The following CDKAL1 variants were observed in gnomAD, a reference collection of about 807,000 sequenced individuals.
CDKAL1 encodes the protein CDKAL1 threonylcarbamoyladenosine tRNA methylthiotransferase.
CDKAL1 carries 32 observed loss-of-function variants against 68.2 expected under a neutral mutation model. The observed-to-expected ratio is 0.47, with a 90% confidence interval of 0.35 to 0.63. The LOEUF (loss-of-function observed/expected upper bound fraction) is 0.63, where lower values mean the gene tolerates loss of function less well. Ranked by LOEUF, CDKAL1 falls within the 30% of genes least tolerant of loss-of-function variation. The pLI is 0.00. For missense variants in CDKAL1, 606 were observed against 696.7 expected, an observed-to-expected ratio of 0.87 and a Z score of 1.47; for synonymous variants, 234 against 244.3, an observed-to-expected ratio of 0.96 and a Z score of 0.39.
chr6:21,166,803 C>A (rs758207628), intron 13 of CDKAL1, among the ~76,000 whole-genome samples: 1 of 152,168 alleles, frequency 6.6e-6, no homozygotes, highest in Non-Finnish European at 1.5e-5. Context: ...GCAGAAGTTG[C>A]TAACCTCATT....
chr6:21,195,782 T>A (rs1025247392), intron 13 of CDKAL1, among the ~76,000 whole-genome samples: 1 of 152,050 alleles, frequency 6.6e-6, no homozygotes, highest in Non-Finnish European at 1.5e-5. Context: ...AGTGCTGGGA[T>A]TACAGGCATG....
intron 13 of CDKAL1, among the ~76,000 whole-genome samples, chr6:21,186,824 C>T (rs973227644): frequency 1.3e-5 from 2 of 151,422 alleles, no homozygotes; most frequent in Non-Finnish European, 2.9e-5. Flanking sequence ...GGTAGATTTC[C>T]GTTAAATTTT....
intron 5 of CDKAL1, among the ~76,000 whole-genome samples, chr6:20,668,883 T>A (rs1317033299): frequency 6.6e-6 from 1 of 152,324 alleles, no homozygotes; most frequent in East Asian, 1.9e-4. Context: ...TATAGAACAT[T>A]GGTCAGTTTG....
At chr6:20,535,728 C>G (rs999932225) in intron 2 of CDKAL1, among the ~76,000 whole-genome samples, 4 of 152,128 alleles carry the variant, frequency 2.6e-5, no homozygotes, top group Admixed American at 2.0e-4. Flanking sequence ...TGGAGTCTCT[C>G]AAGTCGTGGT....
At chr6:20,667,398 A>G (rs1769599739) in intron 5 of CDKAL1, among the ~76,000 whole-genome samples, 1 of 152,122 alleles carries the variant, frequency 6.6e-6, no homozygotes, top group Non-Finnish European at 1.5e-5. Flanking sequence ...TGATACCTGA[A>G]TGGGTGCGAA....
At chr6:20,756,854 C>CCCTTCCTTCCTTCCTTCCGT (rs1774204615) in intron 6 of CDKAL1, 1 of 51,680 alleles carries the variant, frequency 1.9e-5, no homozygotes, top group Admixed American at 2.3e-4. Context: ...CTTCCTTCTC[C>CCCTTCCTTCCTTCCTTCCGT]CCTTCCTTCC....
intron 2 of CDKAL1, among the ~76,000 whole-genome samples, chr6:20,538,240 T>TTTTC: frequency 6.6e-6 from 1 of 152,290 alleles, no homozygotes; most frequent in Non-Finnish European, 1.5e-5. Context: ...CTTTTTTTTT[T>TTTTC]TTTCTTTTCT....
intron 9 of CDKAL1, among the ~76,000 whole-genome samples, chr6:20,897,818 T>G (rs1157945013): frequency 1.3e-5 from 2 of 152,178 alleles, no homozygotes; most frequent in African/African-American, 2.4e-5. Flanking sequence ...ACAGTGAACA[T>G]GAATTACCTT....
At chr6:20,840,445 C>G (rs1778129784) in intron 8 of CDKAL1, among the ~76,000 whole-genome samples, 1 of 152,100 alleles carries the variant, frequency 6.6e-6, no homozygotes. Flanking sequence ...AGAGTAAGAG[C>G]AAATACAGCT....
At chr6:20,957,927 T>G (rs894315509) in intron 10 of CDKAL1, among the ~76,000 whole-genome samples, 1 of 142,856 alleles carries the variant, frequency 7.0e-6, no homozygotes, top group Admixed American at 7.5e-5. Flanking sequence ...GCCAAGATTG[T>G]GCCACTGCAC....
intron 8 of CDKAL1, among the ~76,000 whole-genome samples, chr6:20,797,620 G>A (rs12211211): frequency 0.1 from 15,664 of 152,018 alleles, 881 homozygotes; most frequent in South Asian, 0.13. Context: ...AAAATCATCT[G>A]TGTTGCGTTC....
intron 10 of CDKAL1, among the ~76,000 whole-genome samples, chr6:20,963,485 T>C (rs1486565831): frequency 6.6e-6 from 1 of 152,190 alleles, no homozygotes; most frequent in Non-Finnish European, 1.5e-5. Context: ...AGCTTGTTGC[T>C]TCCTACTACT....
chr6:21,196,125 G>A (rs775010389), intron 13 of CDKAL1, among the ~76,000 whole-genome samples: 6 of 152,126 alleles, frequency 3.9e-5, no homozygotes, highest in Non-Finnish European at 7.3e-5. Context: ...TACTCTCCAC[G>A]TTGATTCTAA....
intron 7 of CDKAL1, among the ~76,000 whole-genome samples, chr6:20,776,215 A>G (rs1775165611): frequency 6.6e-6 from 1 of 152,224 alleles, no homozygotes; most frequent in Admixed American, 6.5e-5. Flanking sequence ...TGAAAATAGC[A>G]TGCCTTTGCA....
intron 9 of CDKAL1, among the ~76,000 whole-genome samples, chr6:20,889,746 G>C (rs1168064225): frequency 6.6e-6 from 1 of 152,146 alleles, no homozygotes; most frequent in Non-Finnish European, 1.5e-5. Context: ...GTAACATGTT[G>C]TTTTGGTTAC....
At chr6:20,687,788 A>G (rs547458213) in intron 5 of CDKAL1, among the ~76,000 whole-genome samples, 9 of 152,214 alleles carry the variant, frequency 5.9e-5, no homozygotes, top group Non-Finnish European at 5.9e-5. Flanking sequence ...TGCCTACCAT[A>G]GTGCTAGGAT....
At chr6:21,138,985 A>T (rs1453428844) in intron 13 of CDKAL1, among the ~76,000 whole-genome samples, 1 of 152,338 alleles carries the variant, frequency 6.6e-6, no homozygotes, top group East Asian at 1.9e-4. Context: ...GCCTGCTTTC[A>T]AGAGAGAATG....
At chr6:20,550,563 G>A (rs1365640176) in intron 4 of CDKAL1, among the ~76,000 whole-genome samples, 1 of 152,004 alleles carries the variant, frequency 6.6e-6, no homozygotes, top group Non-Finnish European at 1.5e-5. Context: ...TAAGAGAATG[G>A]CATTTAGAAA....
At chr6:21,005,111 T>C (rs1767653050) in intron 11 of CDKAL1, among the ~76,000 whole-genome samples, 1 of 152,226 alleles carries the variant, frequency 6.6e-6, no homozygotes, top group Admixed American at 6.5e-5. Context: ...TTTTTTCTTT[T>C]TTCATGTGTT....
Sources: allele counts gnomAD v4.1 joint callset (sites outside exome capture counted in the v4.1 genomes callset), GRCh38; gene constraint gnomAD v4.1.1; transcripts MANE v1.5; gene names NCBI Gene and HGNC (gene_info 2026-07-23, HGNC 2026-07-21).